The following SGCD variants were observed in gnomAD, a reference collection of about 807,000 sequenced individuals.
SGCD encodes the protein sarcoglycan delta.
A neutral mutation model predicts 36.6 loss-of-function variants in SGCD; 18 were observed. That is an observed-to-expected ratio of 0.49 (90% CI 0.34 to 0.73). SGCD has a LOEUF of 0.73. Among genes scored for constraint, SGCD ranks in the 30% least tolerant of loss-of-function variants. The pLI, the probability that SGCD is intolerant of heterozygous loss-of-function variation, is 0.01. For missense variants in SGCD, 387 were observed against 346.7 expected (o/e 1.12, Z -0.92); for synonymous variants, 133 against 130.6 (o/e 1.02, Z -0.12).
intron 3 of SGCD, among the ~76,000 whole-genome samples, chr5:156,497,271 A>T (rs188210612): frequency 4.5e-4 from 69 of 152,144 alleles, no homozygotes; most frequent in Non-Finnish European, 6.3e-4. Context: ...ACTCCCAAAG[A>T]AATTGATAGC....
At chr5:155,981,169 A>G (rs879383741) in intron 1 of SGCD, among the ~76,000 whole-genome samples, 36 of 152,274 alleles carry the variant, frequency 2.4e-4, no homozygotes, top group Middle Eastern at 3.4e-3. Flanking sequence ...ACATTAGAAG[A>G]GCAAGGGAGA....
Position 156,245,105 on chromosome 5 carries a change from G to A in SGCD, c.-43-84429G>A, listed in dbSNP as rs79142679. Among the ~76,000 whole-genome samples, 63 of 152,268 alleles carry A rather than the reference G, an allele frequency of 4.1e-4. 2 individuals carry two copies. In the East Asian group the frequency reaches 0.011, roughly 28 times the overall value. ...CTAATGTGAGGAATAGGGAAAGCTGGGAGGCTGGTTAGTGACATTTTTTTA... is the reference window on the plus strand; with the variant it reads ...CTAATGTGAGGAATAGGGAAAGCTGAGAGGCTGGTTAGTGACATTTTTTTA... On this transcript the variant is annotated intron_variant, in intron 3 of 9. Transcript: ENST00000517913.
the SGCD span, among the ~76,000 whole-genome samples, chr5:155,732,448 T>C: frequency 3.9e-5 from 6 of 152,100 alleles, no homozygotes; most frequent in Admixed American, 2.6e-4. Context: ...CAAAAGTCCT[T>C]GGAGATCTTT....
chr5:156,040,282 T>G (rs1237299731), intron 1 of SGCD, among the ~76,000 whole-genome samples: 1 of 152,220 alleles, frequency 6.6e-6, no homozygotes, highest in African/African-American at 2.4e-5. Flanking sequence ...GATTTACTGA[T>G]GAAGCTTAAG....
At position 156,285,946 on chromosome 5, in the gene SGCD, G is replaced by A. The variant is rs184602385; in HGVS notation, c.-43-43588G>A. Among the ~76,000 whole-genome samples, 10 of 152,192 alleles carry A rather than the reference G, an allele frequency of 6.6e-5. No homozygotes were observed. In the East Asian group the frequency reaches 1.7e-3, roughly 26 times the overall value. On this transcript the variant is annotated intron_variant, in intron 3 of 9. Coordinates refer to the SGCD transcript ENST00000517913. The stretch of plus-strand genomic sequence containing the variant: ...TCATCTGACAAAGGGCTAATATCCA[G>A]AATCTACAATGAACTCCAACAAATT...
chr5:156,148,403 C>T (rs1045899541), intron 3 of SGCD, among the ~76,000 whole-genome samples: 1 of 152,042 alleles, frequency 6.6e-6, no homozygotes, highest in Non-Finnish European at 1.5e-5. Flanking sequence ...TTGAGTGGTC[C>T]TGGCAGCTGT....
chr5:156,182,992 A>C (rs1763645719), intron 3 of SGCD, among the ~76,000 whole-genome samples: 1 of 152,158 alleles, frequency 6.6e-6, no homozygotes, highest in African/African-American at 2.4e-5. Flanking sequence ...TAAAGTAATT[A>C]TTATAGGCCA....
chr5:156,607,709 T>C, intron 6 of SGCD, among the ~76,000 whole-genome samples: 1 of 78 alleles, frequency 0.013, no homozygotes, highest in African/African-American at 0.071. Flanking sequence ...TATTAATTTT[T>C]CCCTCATTTC....
chr5:155,738,766 G>C, the SGCD span, among the ~76,000 whole-genome samples: 9 of 148,878 alleles, frequency 6.0e-5, no homozygotes, highest in East Asian at 1.8e-3. Flanking sequence ...GAGAGTGTGA[G>C]AGTGTGAGAG....
chr5:155,902,197 C>T (rs1476148523), intron 1 of SGCD, among the ~76,000 whole-genome samples: 1 of 152,050 alleles, frequency 6.6e-6, no homozygotes, highest in Non-Finnish European at 1.5e-5. Flanking sequence ...TCTGTTTTTG[C>T]ATGTATAAAA....
At chr5:156,260,917 A>G (rs1464474291) in intron 3 of SGCD, among the ~76,000 whole-genome samples, 4 of 152,142 alleles carry the variant, frequency 2.6e-5, no homozygotes, top group Non-Finnish European at 5.9e-5. Flanking sequence ...CAAAGCATCT[A>G]TGAAGGTGGT....
intron 1 of SGCD, among the ~76,000 whole-genome samples, chr5:156,070,948 A>G (rs200387380): frequency 0.036 from 5,392 of 151,532 alleles, 316 homozygotes; most frequent in African/African-American, 0.12. Flanking sequence ...TCTGATGGTA[A>G]TTTGTATTTC....
At chr5:156,272,472 G>T (rs1766206804) in intron 3 of SGCD, among the ~76,000 whole-genome samples, 2 of 152,158 alleles carry the variant, frequency 1.3e-5, no homozygotes, top group African/African-American at 4.8e-5. Context: ...GAATTGTGCT[G>T]CTAGAAGCAT....
chr5:155,909,353 C>G (rs1379700221), intron 1 of SGCD, among the ~76,000 whole-genome samples: 1 of 152,126 alleles, frequency 6.6e-6, no homozygotes, highest in African/African-American at 2.4e-5. Context: ...GGGGATCTTT[C>G]ATACTTTGTG....
At chr5:156,212,603 C>T (rs995978174) in intron 3 of SGCD, among the ~76,000 whole-genome samples, 2 of 151,996 alleles carry the variant, frequency 1.3e-5, no homozygotes, top group Non-Finnish European at 2.9e-5. Context: ...AGAAAAAAGT[C>T]AACAAGGAAA....
In SGCD at chr5:155,995,996, A is replaced by G. The variant is rs1299927859; in HGVS notation, c.-281-121882A>G. ...TACATCAGACCACACCAAAAAAAAA[A>G]AAAAAAAAAAAGAACTTACAAAAAA... On this transcript the variant is annotated intron_variant, in intron 1 of 9. Transcript: ENST00000517913. Among the ~76,000 whole-genome samples, 483 of 148,838 alleles carry G rather than the reference A, an allele frequency of 3.2e-3. 4 individuals are homozygous for G. The highest frequency in any genetic ancestry group is 0.01 in the African/African-American group (420 of 41,206).
At position 156,634,729 on chromosome 5, in the gene SGCD, A is replaced by G. The variant is rs1388965411; in HGVS notation, c.503-12735A>G. On this transcript the variant is annotated intron_variant, in intron 6 of 8. Coordinates refer to ENST00000337851, the MANE Select transcript of SGCD (RefSeq NM_000337.6). The stretch of plus-strand genomic sequence containing the variant: ...CGCATGTATTTGTGAAAACCCACAG[A>G]TCTATTAATATGCACCACAAAGAGT... 3.3e-5 allele frequency among the ~76,000 whole-genome samples: 5 copies of G among 152,170 alleles called. No individual in the cohort carries two copies. In the South Asian group the frequency reaches 1.0e-3, roughly 32 times the overall value.
Position 155,881,295 on chromosome 5 carries a change from A to AAAAT in SGCD, c.-282+10899_-282+10902dup, listed in dbSNP as rs6149303. On this transcript the variant is annotated intron_variant, in intron 1 of 9. Coordinates refer to the SGCD transcript ENST00000517913. ...TGATTCCAGATCACCACCTCACCAC[A>AAAAT]AAATAAATAAATAAATAAATAAATA... is the stretch of plus-strand genomic sequence containing the variant. Among the ~76,000 whole-genome samples the AAAAT allele has an allele frequency of 9.3e-3, 1,349 of 145,582 alleles. 10 individuals carry two copies. The highest frequency in any genetic ancestry group is 0.019 in the African/African-American group (762 of 39,208).
intron 1 of SGCD, among the ~76,000 whole-genome samples, chr5:155,935,793 A>G (rs1352751880): frequency 6.6e-6 from 1 of 152,156 alleles, no homozygotes; most frequent in African/African-American, 2.4e-5. Context: ...CACTGGGACC[A>G]CTCAGCCTGG....
Sources: allele counts gnomAD v4.1 joint callset (sites outside exome capture counted in the v4.1 genomes callset), GRCh38; gene constraint gnomAD v4.1.1; transcripts MANE v1.5; gene names NCBI Gene and HGNC (gene_info 2026-07-23, HGNC 2026-07-21).